The following FCHSD2 variants were observed in gnomAD, a reference collection of about 807,000 sequenced individuals.
FCHSD2 encodes the protein FCH and double SH3 domains 2, also known as F-BAR and double SH3 domains protein 2.
In FCHSD2, 38 loss-of-function variants were observed where a neutral mutation model predicts 108.1. That is an observed-to-expected ratio of 0.35 (90% CI 0.27 to 0.46). The LOEUF (loss-of-function observed/expected upper bound fraction) is 0.46, where lower values mean the gene tolerates loss of function less well. Among genes scored for constraint, FCHSD2 ranks in the 20% least tolerant of loss-of-function variants. The pLI is 1.00. For missense variants in FCHSD2, 751 were observed against 897.8 expected, an observed-to-expected ratio of 0.84 and a Z score of 2.09; for synonymous variants, 279 against 314.7, an observed-to-expected ratio of 0.89 and a Z score of 1.20.
At chr11:72,989,386 C>A (rs1033928507) in intron 5 of FCHSD2, among the ~76,000 whole-genome samples, 6 of 152,116 alleles carry the variant, frequency 3.9e-5, no homozygotes, top group African/African-American at 1.4e-4. Flanking sequence ...GGAAGAGCAA[C>A]TATGAAAAAT....
At chr11:72,889,460 T>C (rs1384582401) in intron 11 of FCHSD2, among the ~76,000 whole-genome samples, 1 of 151,890 alleles carries the variant, frequency 6.6e-6, no homozygotes, top group South Asian at 2.1e-4. Context: ...CTGCTGAGTG[T>C]TGAGAAAGTA....
intron 4 of FCHSD2, among the ~76,000 whole-genome samples, chr11:73,008,325 C>T (rs968260383): frequency 2.7e-4 from 41 of 151,892 alleles, no homozygotes; most frequent in African/African-American, 9.7e-4. Flanking sequence ...GGCGACAGAC[C>T]GAGACTGTCT....
intron 12 of FCHSD2, among the ~76,000 whole-genome samples, chr11:72,883,050 G>T (rs1855121949): frequency 6.6e-6 from 1 of 151,864 alleles, no homozygotes; most frequent in Non-Finnish European, 1.5e-5. Flanking sequence ...AAAGGTAATG[G>T]GAAAAGCATA....
chr11:72,869,340 T>C (rs1046888147), intron 12 of FCHSD2, among the ~76,000 whole-genome samples: 30 of 151,762 alleles, frequency 2.0e-4, no homozygotes, highest in Admixed American at 2.0e-3. Context: ...TAGCAATTCT[T>C]CCCTGGCACA....
intron 9 of FCHSD2, among the ~76,000 whole-genome samples, chr11:72,912,706 T>C (rs907300655): frequency 5.3e-5 from 8 of 152,216 alleles, no homozygotes; most frequent in Non-Finnish European, 8.8e-5. Context: ...TGGTATTAGT[T>C]ATTCTTTAAA....
At chr11:73,082,119 C>G (rs189081339) in intron 3 of FCHSD2, among the ~76,000 whole-genome samples, 2 of 152,064 alleles carry the variant, frequency 1.3e-5, no homozygotes, top group Non-Finnish European at 2.9e-5. Context: ...AGGCGGATCA[C>G]GTGGTCAAGA....
intron 3 of FCHSD2, among the ~76,000 whole-genome samples, chr11:73,033,703 C>T (rs1858420303): frequency 6.6e-6 from 1 of 152,164 alleles, no homozygotes; most frequent in South Asian, 2.1e-4. Context: ...TGGTTATTGG[C>T]AATAGTAAAA....
intron 12 of FCHSD2, among the ~76,000 whole-genome samples, chr11:72,880,324 G>A (rs1006023118): frequency 6.6e-6 from 1 of 152,120 alleles, no homozygotes; most frequent in Non-Finnish European, 1.5e-5. Flanking sequence ...AAGCAATTCT[G>A]AGCAAAAATA....
chr11:73,082,547 C>T (rs1001523067), intron 3 of FCHSD2, among the ~76,000 whole-genome samples: 8 of 151,626 alleles, frequency 5.3e-5, no homozygotes, highest in Admixed American at 6.6e-5. Flanking sequence ...CAAACAGCTA[C>T]AAAATTAACT....
intron 2 of FCHSD2, among the ~76,000 whole-genome samples, chr11:73,135,007 C>T (rs1396413736): frequency 6.6e-6 from 1 of 152,090 alleles, no homozygotes; most frequent in African/African-American, 2.4e-5. Flanking sequence ...GTGTGCGCCA[C>T]CATGCACACC....
chr11:73,077,805 G>T, intron 3 of FCHSD2: 1 of 269,178 alleles, frequency 3.7e-6, no homozygotes. Flanking sequence ...GGGGCTTACA[G>T]ATGTGTTCAT....
intron 9 of FCHSD2, among the ~76,000 whole-genome samples, chr11:72,912,054 C>T (rs1855775560): frequency 6.6e-6 from 1 of 152,114 alleles, no homozygotes; most frequent in African/African-American, 2.4e-5. Context: ...TTGGTGGAGT[C>T]TTCAGGTTTT....
Position 72,885,405 on chromosome 11 carries a change from C to T in FCHSD2, c.1146+2065G>A, listed in dbSNP as rs925851275. On this transcript the variant is annotated intron_variant, in intron 12 of 19. Transcript: ENST00000409418. ...ACTTGCATTAGAAGAGGTGAGACAT[C>T]GTGGTATGAGAATTTCACTTCATAT... Among the ~76,000 whole-genome samples the T allele has an allele frequency of 2.6e-4, 39 of 152,102 alleles. 2 individuals are homozygous for T. The highest frequency in any genetic ancestry group is 2.6e-3 in the Admixed American group (39 of 15,270).
At chr11:72,952,305 C>G (rs1337165854) in intron 8 of FCHSD2, among the ~76,000 whole-genome samples, 4 of 151,624 alleles carry the variant, frequency 2.6e-5, no homozygotes, top group Admixed American at 2.6e-4. Flanking sequence ...TTTTTGTTTG[C>G]TTGTGTTCAC....
intron 14 of FCHSD2, among the ~76,000 whole-genome samples, chr11:72,845,892 T>C (rs1244646910): frequency 6.6e-6 from 1 of 152,142 alleles, no homozygotes; most frequent in African/African-American, 2.4e-5. Context: ...ATAAGCTCAA[T>C]GAGGGCAAAG....
At chr11:73,025,242 C>T (rs568147690) in intron 3 of FCHSD2, among the ~76,000 whole-genome samples, 175 of 152,168 alleles carry the variant, frequency 1.2e-3, no homozygotes, top group African/African-American at 3.9e-3. Context: ...TCAACCTAAA[C>T]GCCCATCAGT....
At chr11:72,907,635 G>C (rs1855661012) in intron 9 of FCHSD2, among the ~76,000 whole-genome samples, 1 of 117,794 alleles carries the variant, frequency 8.5e-6, no homozygotes, top group African/African-American at 3.3e-5. Flanking sequence ...GACGGAGTCT[G>C]GCTTTGTCTC....
intron 3 of FCHSD2, among the ~76,000 whole-genome samples, chr11:73,066,454 T>G (rs940551815): frequency 1.3e-5 from 2 of 152,090 alleles, no homozygotes; most frequent in East Asian, 3.8e-4. Flanking sequence ...ACTTCATGTC[T>G]AAAACACCAA....
rs1036744280 is a variant in FCHSD2 at position 73,142,261 on chromosome 11, C to T, written c.-384G>A. On this transcript the variant is annotated 5_prime_UTR_variant, in exon 1 of 20. Coordinates refer to ENST00000409418, the MANE Select transcript of FCHSD2 (RefSeq NM_014824.3). ...GCTCCCGGTCGGCCGCCTGCGCCGC[C>T]GCTCCCGGCGGACGCAGCGGCCCCC... 3 of 150,190 alleles carry T rather than the reference C, an allele frequency of 2.0e-5. No individual in the cohort carries two copies. Among genetic ancestry groups the T allele is most frequent in the African/African-American group, 7.7e-5 (3 of 39,152 alleles). The allele number at this position is 150,190 out of a possible 1,614,324, so 9.3% of individuals were successfully genotyped here.
Sources: gnomAD v4.1 joint callset for allele counts (sites outside exome capture counted in the v4.1 genomes callset) on GRCh38, gnomAD v4.1.1 for gene constraint, MANE v1.5 for transcripts, NCBI Gene and HGNC (gene_info 2026-07-23, HGNC 2026-07-21) for gene names.